Variants in GSK3B observed in about 807,000 individuals in gnomAD.
GSK3B encodes glycogen synthase kinase-3 beta.
GSK3B carries 15 observed loss-of-function variants against 56.4 expected under a neutral mutation model. The ratio of observed to expected loss-of-function variants is 0.27; its 90% CI spans 0.18 to 0.41. The LOEUF (loss-of-function observed/expected upper bound fraction) is 0.41, where lower values mean the gene tolerates loss of function less well. GSK3B is among the 10% of genes least tolerant of loss of function. The pLI is 1.00. For missense variants in GSK3B, 300 were observed against 513.4 expected, an observed-to-expected ratio of 0.58 and a Z score of 4.02; for synonymous variants, 181 against 188.9, an observed-to-expected ratio of 0.96 and a Z score of 0.34.
chr3:119,979,915 G>C (rs1439174599), intron 2 of GSK3B, among the ~76,000 whole-genome samples: 2 of 152,006 alleles, frequency 1.3e-5, no homozygotes, highest in African/African-American at 4.8e-5. Flanking sequence ...TTAGACCCTG[G>C]AAACTGTTTT....
intron 1 of GSK3B, 39 bp downstream of exon 1, chr3:120,093,308 C>T: frequency 7.8e-7 from 1 of 1,277,728 alleles, no homozygotes; most frequent in Non-Finnish European, 1.1e-6. Flanking sequence ...ATTTTAAGGG[C>T]GAGGTGGAAA....
Position 119,999,699 on chromosome 3 carries a change from G to C in GSK3B, c.282+2347C>G, listed in dbSNP as rs116513836. Among the ~76,000 whole-genome samples the C allele has an allele frequency of 4.3e-3, 650 of 152,262 alleles. 1 individual carries two copies. The highest frequency in any genetic ancestry group is 0.015 in the African/African-American group (615 of 41,550). On this transcript the variant is annotated intron_variant, in intron 2 of 10. Transcript: ENST00000264235. The stretch of plus-strand genomic sequence containing the variant: ...CTCCATAGCTGACTTGAATCATCTG[G>C]GAAGTTTCATACAGGAAGAATTTGA...
chr3:119,919,239 T>TAAA (rs2056811730), intron 4 of GSK3B, among the ~76,000 whole-genome samples: 1 of 152,214 alleles, frequency 6.6e-6, no homozygotes, highest in African/African-American at 2.4e-5. Flanking sequence ...GTTGCCATTC[T>TAAA]GGTAACATGT....
chr3:120,023,420 T>A (rs1475931505), intron 1 of GSK3B, among the ~76,000 whole-genome samples: 1 of 151,430 alleles, frequency 6.6e-6, no homozygotes, highest in Non-Finnish European at 1.5e-5. Flanking sequence ...GTCATCCTTT[T>A]TTCTCACCAA....
intron 1 of GSK3B, among the ~76,000 whole-genome samples, chr3:120,064,182 A>G (rs1283558046): frequency 6.6e-6 from 1 of 151,740 alleles, no homozygotes; most frequent in Non-Finnish European, 1.5e-5. Flanking sequence ...AGCATAAGAG[A>G]AAAAAAGTAT....
intron 7 of GSK3B, among the ~76,000 whole-genome samples, chr3:119,893,995 T>G (rs921084598): frequency 6.6e-6 from 1 of 152,106 alleles, no homozygotes; most frequent in Admixed American, 6.6e-5. Context: ...TTTTAGAACA[T>G]GTTCATTACC....
chr3:119,989,582 T>C (rs1576252287), intron 2 of GSK3B, among the ~76,000 whole-genome samples: 1 of 151,038 alleles, frequency 6.6e-6, no homozygotes, highest in Non-Finnish European at 1.5e-5. Flanking sequence ...GAGTTGGAGG[T>C]TGCATTGAGC....
chr3:119,930,027 C>T (rs941224238), intron 3 of GSK3B, among the ~76,000 whole-genome samples: 1 of 149,480 alleles, frequency 6.7e-6, no homozygotes, highest in African/African-American at 2.5e-5. Context: ...GCTAGTGAGC[C>T]GTGATGGCAC....
intron 1 of GSK3B, among the ~76,000 whole-genome samples, chr3:120,012,768 G>A (rs1462455151): frequency 6.6e-6 from 1 of 152,054 alleles, no homozygotes; most frequent in Non-Finnish European, 1.5e-5. Flanking sequence ...TGAACTCCTG[G>A]GCTCAAGCAA....
intron 1 of GSK3B, among the ~76,000 whole-genome samples, chr3:120,075,775 G>A (rs1470725062): frequency 6.6e-6 from 1 of 152,082 alleles, no homozygotes; most frequent in Non-Finnish European, 1.5e-5. Flanking sequence ...TGGATCAAAA[G>A]AATATTGTTA....
chr3:120,071,160 T>A (rs944811126), intron 1 of GSK3B, among the ~76,000 whole-genome samples: 1 of 152,190 alleles, frequency 6.6e-6, no homozygotes, highest in African/African-American at 2.4e-5. Context: ...TCGTTTAGAG[T>A]AACTACTGTG....
rs3732361 is a variant in GSK3B at position 119,823,450 on chromosome 3, A to G, written c.*3338T>C. Reference sequence around the variant, plus strand: ...GACGTATCAAAACCTGATACTATTAAGAAACTTCGATTTATAAAAAAACAA... The same window carrying G: ...GACGTATCAAAACCTGATACTATTAGGAAACTTCGATTTATAAAAAAACAA... On this transcript the variant is annotated 3_prime_UTR_variant, in exon 11 of 11. Transcript: ENST00000264235. 99,121 of 195,156 alleles carry G rather than the reference A, an allele frequency of 0.51. 27,687 individuals carry two copies. Among genetic ancestry groups the G allele is most frequent in the Non-Finnish European group, 0.61 (57,036 of 93,796 alleles). 12.1% of individuals were successfully genotyped at this position (195,156 alleles called of 1,614,324 possible). A position where few individuals can be genotyped will look rare whatever the true frequency, so the allele number is the denominator to read the frequency against.
intron 2 of GSK3B, among the ~76,000 whole-genome samples, chr3:119,987,913 T>G (rs1282044257): frequency 6.6e-6 from 1 of 152,212 alleles, no homozygotes; most frequent in Non-Finnish European, 1.5e-5. Context: ...TGATATATAT[T>G]AGTGTACATT....
At chr3:119,967,834 T>TTCTCTCTCTC (rs202156812) in intron 2 of GSK3B, among the ~76,000 whole-genome samples, 5 of 118,914 alleles carry the variant, frequency 4.2e-5, no homozygotes, top group Admixed American at 8.7e-5. Context: ...CTCTTTCTCT[T>TTCTCTCTCTC]TCTCTCTCTC....
intron 1 of GSK3B, among the ~76,000 whole-genome samples, chr3:120,050,386 A>G (rs1161128846): frequency 6.6e-6 from 1 of 152,268 alleles, no homozygotes; most frequent in East Asian, 1.9e-4. Flanking sequence ...CTTGATTTAC[A>G]AAGACAGACG....
At chr3:119,980,653 C>T (rs2057451650) in intron 2 of GSK3B, among the ~76,000 whole-genome samples, 1 of 152,156 alleles carries the variant, frequency 6.6e-6, no homozygotes, top group African/African-American at 2.4e-5. Context: ...CGCACCCAGC[C>T]TTGTGTAATT....
chr3:120,021,417 G>A lies in GSK3B; in HGVS notation c.89-19178C>T, dbSNP rs184669659. On this transcript the variant is annotated intron_variant, in intron 1 of 10. Coordinates refer to ENST00000264235, the MANE Select transcript of GSK3B (RefSeq NM_001146156.2). ...TGTAATCCCAGCTACTCGGGAGGCTGAGGCAGGAGAATCACTTGAACTCGG... is the reference window on the plus strand; with the variant it reads ...TGTAATCCCAGCTACTCGGGAGGCTAAGGCAGGAGAATCACTTGAACTCGG... 4.8e-4 allele frequency among the ~76,000 whole-genome samples: 73 copies of A among 151,974 alleles called. 1 individual carries two copies. In the East Asian group the frequency reaches 9.9e-3, roughly 21 times the overall value.
intron 1 of GSK3B, among the ~76,000 whole-genome samples, chr3:120,050,106 AC>A (rs1293773277): frequency 6.6e-6 from 1 of 152,208 alleles, no homozygotes; most frequent in African/African-American, 2.4e-5. Context: ...AGATGTGAAG[AC>A]AAAAAATCTG....
intron 1 of GSK3B, among the ~76,000 whole-genome samples, chr3:120,006,823 A>T (rs557481072): frequency 6.6e-6 from 1 of 152,326 alleles, no homozygotes; most frequent in African/African-American, 2.4e-5. Flanking sequence ...GAGAGATCTA[A>T]ATCAACATCC....
Sources: gnomAD v4.1 joint callset for allele counts (sites outside exome capture counted in the v4.1 genomes callset) on GRCh38, gnomAD v4.1.1 for gene constraint, MANE v1.5 for transcripts, NCBI Gene and HGNC (gene_info 2026-07-23, HGNC 2026-07-21) for gene names.